Variants in IGF2R observed in about 807,000 individuals in gnomAD.
IGF2R encodes insulin like growth factor 2 receptor, also known as cation-independent mannose-6-phosphate receptor.
Under a neutral mutation model 270.6 loss-of-function variants are expected in IGF2R, and 91 were observed. The observed-to-expected ratio is 0.34, with a 90% CI of 0.28 to 0.40. IGF2R has a LOEUF of 0.40. Ranked by LOEUF, IGF2R falls within the 10% of genes least tolerant of loss-of-function variation. IGF2R has a pLI of 1.00. For missense variants in IGF2R, 2,805 were observed against 3,188.3 expected, an observed-to-expected ratio of 0.88 and a Z score of 2.90; for synonymous variants, 1,316 against 1,258.9, an observed-to-expected ratio of 1.05 and a Z score of -0.96.
intron 4 of IGF2R, among the ~76,000 whole-genome samples, chr6:160,013,094 C>A (rs1448953663): frequency 6.6e-6 from 1 of 151,938 alleles, no homozygotes; most frequent in Non-Finnish European, 1.5e-5. Flanking sequence ...ATCATGATAC[C>A]CTTTTTGTTT....
chr6:160,086,048 G>C (rs181211801), intron 41 of IGF2R, among the ~76,000 whole-genome samples: 1 of 152,342 alleles, frequency 6.6e-6, no homozygotes, highest in East Asian at 1.9e-4. Context: ...TATTCGACTA[G>C]TCTTTCCCCA....
intron 4 of IGF2R, among the ~76,000 whole-genome samples, chr6:160,012,360 G>C (rs1373009817): frequency 2.6e-5 from 4 of 152,092 alleles, no homozygotes; most frequent in Non-Finnish European, 5.9e-5. Context: ...ACCTGAGACT[G>C]GGTAATTTAT....
At chr6:160,003,832 A>G (rs901736823) in intron 2 of IGF2R, 2 of 152,172 alleles carry the variant, frequency 1.3e-5, no homozygotes, top group African/African-American at 4.8e-5. Flanking sequence ...AAGGAAAGGA[A>G]GGGTAATCAG....
intron 31 of IGF2R, among the ~76,000 whole-genome samples, chr6:160,071,207 C>A (rs1354253330): frequency 7.2e-6 from 1 of 139,318 alleles, no homozygotes; most frequent in Non-Finnish European, 1.6e-5. Context: ...GTGCCCCAGA[C>A]CCAGGAGGCT....
intron 47 of IGF2R, among the ~76,000 whole-genome samples, chr6:160,104,092 AAAC>A (rs1016510233): frequency 2.0e-5 from 3 of 152,124 alleles, no homozygotes; most frequent in African/African-American, 7.2e-5. Context: ...AAAAAAAACA[AAAC>A]ACACACACAC....
chr6:160,060,615 C>T lies in IGF2R; in HGVS notation c.3160C>T (p.Leu1054=), dbSNP rs1417830899. ...TGTTTACTCAGGGCCCCTCAAATTC[C>T]TGCATCAAGATATCGACTCTGGGCA... ...DDVYSGPLKF[L]HQDIDSGQGI... is the part of the protein sequence containing the mutation. The change falls in exon 23 of 48, where the codon CTG becomes TTG. Residue 1054 remains leucine (L), a synonymous_variant. Transcript: ENST00000356956. The T allele has an allele frequency of 5.6e-6, 9 of 1,614,112 alleles. No individual in the cohort carries two copies. Among genetic ancestry groups the T allele is most frequent in the Non-Finnish European group, 7.6e-6 (9 of 1,180,028 alleles).
At chr6:160,044,400 G>A in intron 12 of IGF2R, 114 bp from the exon 13 acceptor site, 1 of 993,908 alleles carries the variant, frequency 1.0e-6, no homozygotes, top group Non-Finnish European at 1.5e-6. Context: ...TGCTGGGTTT[G>A]GGCTGATTTC....
chr6:160,072,761 A>T lies in IGF2R; in HGVS notation c.4571-4A>T. Reference sequence around the variant, plus strand: ...CTGTGTCCCCATCTTCTTCCACCCTACAGGACACCTGTTTGATCTGAGCTC... The same window carrying T: ...CTGTGTCCCCATCTTCTTCCACCCTTCAGGACACCTGTTTGATCTGAGCTC... On this transcript the variant is annotated splice_polypyrimidine_tract_variant and splice_region_variant and intron_variant, in intron 32 of 47. Coordinates refer to ENST00000356956, the MANE Select transcript of IGF2R (RefSeq NM_000876.4). 1 of 1,614,122 alleles carries T rather than the reference A, an allele frequency of 6.2e-7. No homozygotes were observed.
At chr6:160,095,441 T>G (rs777872809) in intron 44 of IGF2R, 6 of 152,302 alleles carry the variant, frequency 3.9e-5, no homozygotes, top group Non-Finnish European at 8.8e-5. Flanking sequence ...TTAAAGATTG[T>G]TCTCTGTGTC....
intron 44 of IGF2R, among the ~76,000 whole-genome samples, chr6:160,091,142 C>T (rs1233774422): frequency 7.6e-6 from 1 of 132,394 alleles, no homozygotes; most frequent in Non-Finnish European, 1.6e-5. Context: ...GTGCTCCGTG[C>T]CCTGGTGCTG....
intron 2 of IGF2R, among the ~76,000 whole-genome samples, chr6:160,000,586 T>C (rs1784112169): frequency 1.3e-5 from 2 of 152,112 alleles, no homozygotes; most frequent in Non-Finnish European, 2.9e-5. Context: ...TCATTTTTCT[T>C]TGAGAAGTTG....
At chr6:160,087,582 C>T (rs1375315666) in intron 41 of IGF2R, among the ~76,000 whole-genome samples, 3 of 152,178 alleles carry the variant, frequency 2.0e-5, no homozygotes, top group Non-Finnish European at 2.9e-5. Flanking sequence ...AAGAACAGGT[C>T]GATAAACCTT....
chr6:160,087,351 G>A (rs1052115864), intron 41 of IGF2R, among the ~76,000 whole-genome samples: 3 of 152,154 alleles, frequency 2.0e-5, no homozygotes, highest in Admixed American at 1.3e-4. Flanking sequence ...ATTACCCGGG[G>A]TCCCACTGTT....
rs116641319 is a variant in IGF2R, at chr6:160,103,123, G to A, written c.6995+452G>A. ...ATGTGACGGTCAAGCAGATTTTCACGTCAGGCGTCAGTGTTAGTGGCTCTG... is the reference window on the plus strand; with the variant it reads ...ATGTGACGGTCAAGCAGATTTTCACATCAGGCGTCAGTGTTAGTGGCTCTG... On this transcript the variant is annotated intron_variant, in intron 46 of 47. Coordinates refer to ENST00000356956, the MANE Select transcript of IGF2R (RefSeq NM_000876.4). 4.2e-3 allele frequency among the ~76,000 whole-genome samples: 643 copies of A among 152,222 alleles called. 3 individuals are homozygous for A. Among genetic ancestry groups the A allele is most frequent in the African/African-American group, 0.013 (543 of 41,544 alleles).
chr6:160,000,134 A>G (rs1271585411), intron 2 of IGF2R, among the ~76,000 whole-genome samples: 2 of 152,258 alleles, frequency 1.3e-5, no homozygotes, highest in African/African-American at 4.8e-5. Flanking sequence ...GATGCTCAAT[A>G]CAACTTCACT....
chr6:159,988,118 C>G (rs113876032), intron 1 of IGF2R, among the ~76,000 whole-genome samples: 2 of 152,076 alleles, frequency 1.3e-5, no homozygotes, highest in African/African-American at 4.8e-5. Flanking sequence ...AGGACAATAT[C>G]CCTCATTTTA....
At chr6:160,089,045 T>C (rs1779157737) in intron 42 of IGF2R, 62 bp from the exon 43 acceptor site, 4 of 1,553,828 alleles carry the variant, frequency 2.6e-6, no homozygotes, top group Non-Finnish European at 3.5e-6. Context: ...GTTCATTGTT[T>C]TGCAGTCTTC....
chr6:159,973,541 T>G (rs1043243862), intron 1 of IGF2R, among the ~76,000 whole-genome samples: 6 of 152,210 alleles, frequency 3.9e-5, no homozygotes, highest in African/African-American at 1.2e-4. Context: ...TAAGGAGATT[T>G]TTTTTTCCCT....
chr6:160,009,047 G>A lies in IGF2R; in HGVS notation c.327G>A (p.Leu109=). 6.2e-7 allele frequency: 1 copy of A among 1,613,818 alleles called. No individual in the cohort carries two copies. The highest frequency in any genetic ancestry group is 8.5e-7 in the Non-Finnish European group (1 of 1,179,826). The change falls in exon 3 of 48, where the codon CTG becomes CTA. Residue 109 remains leucine, a synonymous_variant. Coordinates refer to ENST00000356956, the MANE Select transcript of IGF2R (RefSeq NM_000876.4). The part of the protein sequence containing the change: ...SVLRSATRSL[L]EFNTTVSCDQ... ...TGAGAAGTGCAACCAGATCTCTCCT[G>A]GAATTCAACACAACAGTGAGCTGTG...
Sources: allele counts gnomAD v4.1 joint callset (sites outside exome capture counted in the v4.1 genomes callset), GRCh38; gene constraint gnomAD v4.1.1; transcripts MANE v1.5; gene names NCBI Gene and HGNC (gene_info 2026-07-23, HGNC 2026-07-21).